AGAP9: variants seen among roughly 807,000 people sequenced by gnomAD.
AGAP9 encodes arf-GAP with GTPase, ANK repeat and PH domain-containing protein 9.
Under a neutral mutation model 55.6 loss-of-function variants are expected in AGAP9, and 23 were observed. That is an observed-to-expected ratio of 0.41 (90% CI 0.30 to 0.59). The LOEUF is 0.59. Among genes scored for constraint, AGAP9 ranks in the 20% least tolerant of loss-of-function variants. The pLI is 0.25. For missense variants in AGAP9, 309 were observed against 808.1 expected, an observed-to-expected ratio of 0.38 and a Z score of 7.49; for synonymous variants, 120 against 305.0, an observed-to-expected ratio of 0.39 and a Z score of 6.32.
intron 6 of AGAP9, among the ~76,000 whole-genome samples, chr10:47,506,861 G>A (rs1235007313): frequency 5.2e-5 from 7 of 134,698 alleles, no homozygotes; most frequent in South Asian, 2.5e-4. Context: ...GGATGGTCTC[G>A]ATCTCCTGAC....
At chr10:47,510,366 C>G (rs1840581314) in intron 4 of AGAP9, 95 bp from the exon 5 acceptor site, 4 of 1,310,692 alleles carry the variant, frequency 3.1e-6, no homozygotes, top group South Asian at 2.8e-5. Context: ...ATGTCTTACA[C>G]TCCATGAACT....
At chr10:47,505,576 T>A (rs1840459226) in intron 6 of AGAP9, among the ~76,000 whole-genome samples, 1 of 123,280 alleles carries the variant, frequency 8.1e-6, no homozygotes, top group African/African-American at 3.0e-5. Flanking sequence ...TATTTAAAAG[T>A]ACAACTGGGC....
At position 47,507,558 on chromosome 10, in the gene AGAP9, T is replaced by C; in HGVS notation, c.523A>G (p.Ile175Val). 1 of 1,527,658 alleles carries C rather than the reference T, an allele frequency of 6.5e-7. No homozygotes were observed. The highest frequency in any genetic ancestry group is 8.8e-7 in the Non-Finnish European group (1 of 1,140,410). The allele number at this position is 1,527,658 out of a possible 1,614,324, so 94.6% of individuals were successfully genotyped here. A position where few individuals can be genotyped will look rare whatever the true frequency, so the allele number is the denominator to read the frequency against. Residue 175 changes from isoleucine (I) to valine (V), a missense_variant, in exon 6 of 8, where the codon ATC (isoleucine) becomes GTC (valine). Transcript: ENST00000452145. ...TTCTAAAAAGCTCACCTTTGTGTGA[T>C]ATGATGAGGTATCTCCAAGGTCACA... The part of the protein sequence containing the change: ...ISVTLEIPHH[I>V]TQRDADRSLS...
At chr10:47,515,676 T>C (rs1403418502) in intron 4 of AGAP9, among the ~76,000 whole-genome samples, 1 of 137,694 alleles carries the variant, frequency 7.3e-6, no homozygotes, top group Non-Finnish European at 1.6e-5. Context: ...ACACCAAAAA[T>C]GGAACTCCAA....
At position 47,510,054 on chromosome 10, in the gene AGAP9, A is replaced by G. The variant is rs1428631794; in HGVS notation, c.497+117T>C. ...ACTGATACTTAATATTCAGAATCTG[A>G]ATATCAATATATGGTTGACTCCAAT... On this transcript the variant is annotated intron_variant, in intron 5 of 7. Coordinates refer to ENST00000452145, the MANE Select transcript of AGAP9 (RefSeq NM_001190810.1). 8.7e-3 allele frequency: 12,890 copies of G among 1,484,902 alleles called. 2,185 individuals are homozygous for G. In the African/African-American group the frequency reaches 0.2, roughly 23 times the overall value. The allele number at this position is 1,484,902 out of a possible 1,614,324, so 92.0% of individuals were successfully genotyped here.
In AGAP9 at chr10:47,502,427, G is replaced by A. The variant is rs1384314276; in HGVS notation, c.1702C>T (p.Arg568Cys). ...STREEKEWWIRSKYEEKLFLA... is the reference protein window; with the variant it reads ...STREEKEWWICSKYEEKLFLA... ...AAGAGCTTCTCCTCATATTTGGAAC[G>A]GATCCACCATTCCTTCTCTTCCCTC... Residue 568 changes from arginine to cysteine, a missense_variant, in exon 8 of 8, where the codon CGT becomes TGT. Physicochemically the swap from Arg to Cys is radical, Grantham distance 180 (BLOSUM62 -3). Coordinates refer to ENST00000452145, the MANE Select transcript of AGAP9 (RefSeq NM_001190810.1). The A allele has an allele frequency of 7.8e-5, 125 of 1,611,194 alleles. 3 individuals are homozygous for A. In the East Asian group the frequency reaches 1.0e-3, roughly 13 times the overall value.
chr10:47,513,189 C>A (rs1840663343), intron 4 of AGAP9, among the ~76,000 whole-genome samples: 1 of 149,604 alleles, frequency 6.7e-6, no homozygotes, highest in Non-Finnish European at 1.5e-5. Flanking sequence ...TGAGCGCCAC[C>A]ACGCCCGGCT....
In AGAP9 at chr10:47,506,519, C is replaced by T. The variant is rs1338264493; in HGVS notation, c.533+1029G>A. Among the ~76,000 whole-genome samples the T allele has an allele frequency of 5.0e-5, 7 of 140,332 alleles. 1 individual carries two copies. The highest frequency in any genetic ancestry group is 2.9e-4 in the East Asian group (1 of 3,406). 92.1% of individuals were successfully genotyped at this position (140,332 alleles called of 152,430 possible). A position where few individuals can be genotyped will look rare whatever the true frequency, so the allele number is the denominator to read the frequency against. On this transcript the variant is annotated intron_variant, in intron 6 of 7. Transcript: ENST00000452145. ...CCATTTTTTGTACTTTCAGTAGAGG[C>T]GGGTTTTACCATGTTGGTCGGGCTG... is the stretch of plus-strand genomic sequence containing the variant.
At chr10:47,505,608 TAA>T in intron 6 of AGAP9, among the ~76,000 whole-genome samples, 1 of 112,120 alleles carries the variant, frequency 8.9e-6, no homozygotes, top group African/African-American at 3.3e-5. Flanking sequence ...CTCACGCCTG[TAA>T]AATCCCAGCA....
chr10:47,511,015 C>T (rs1309694770), intron 4 of AGAP9, among the ~76,000 whole-genome samples: 1 of 127,586 alleles, frequency 7.8e-6, no homozygotes, highest in Non-Finnish European at 1.6e-5. Flanking sequence ...GCGATCTCGG[C>T]TCACTGCAAG....
chr10:47,502,170 G>C lies in AGAP9; in HGVS notation c.1959C>G (p.Pro653=). 1.9e-6 allele frequency: 3 copies of C among 1,554,506 alleles called. No homozygotes were observed. Among genetic ancestry groups the C allele is most frequent in the Non-Finnish European group, 2.6e-6 (3 of 1,147,404 alleles). ...GCGTAGGTCAGCGCTGTGTTCCCGT[G>C]GGCATCTCGGGCCATGACGTCCACC... The part of the protein sequence containing the change: ...LTGWTSWPEM[P]TGTQR Residue 653 remains proline, a synonymous_variant, in exon 8 of 8, where the codon CCC becomes CCG. Coordinates refer to ENST00000452145, the MANE Select transcript of AGAP9 (RefSeq NM_001190810.1).
At chr10:47,514,197 G>T (rs1840685409) in intron 4 of AGAP9, among the ~76,000 whole-genome samples, 3 of 146,444 alleles carry the variant, frequency 2.0e-5, no homozygotes, top group Non-Finnish European at 4.5e-5. Flanking sequence ...TATGGAACCA[G>T]CCCAAATGCC....
Position 47,502,778 on chromosome 10 carries a change from TCTTGC to T in AGAP9, c.1346_1350del (p.Cys449Ter). On this transcript the variant is annotated frameshift_variant, in exon 8 of 8. Coordinates refer to ENST00000452145, the MANE Select transcript of AGAP9 (RefSeq NM_001190810.1). LOFTEE classifies it high-confidence loss of function. Reference sequence around the variant, plus strand: ...GTCAGCTGGGACTTGCTTTTACTGCTCTTGCATGACTGCAGGCTGGCCAGGATCTG... The same window carrying T: ...GTCAGCTGGGACTTGCTTTTACTGCTATGACTGCAGGCTGGCCAGGATCTG... 6.4e-7 allele frequency: 1 copy of T among 1,570,858 alleles called. No homozygotes were observed.
chr10:47,514,016 C>T (rs1448891106), intron 4 of AGAP9, among the ~76,000 whole-genome samples: 2 of 140,454 alleles, frequency 1.4e-5, no homozygotes, highest in Non-Finnish European at 3.1e-5. Flanking sequence ...GCAAATGCAA[C>T]AGAAACAAAT....
chr10:47,519,161 T>C (rs1840771139), intron 3 of AGAP9, among the ~76,000 whole-genome samples: 1 of 136,974 alleles, frequency 7.3e-6, no homozygotes, highest in African/African-American at 2.9e-5. Context: ...ATTCTCATTA[T>C]GGTAATTTAA....
rs4013548 is a variant in AGAP9, at chr10:47,502,359, C to T, written c.1770G>A (p.Gln590=). The T allele has an allele frequency of 1.2e-6, 2 of 1,608,300 alleles. No individual in the cohort carries two copies. Among genetic ancestry groups the T allele is most frequent in the Non-Finnish European group, 1.7e-6 (2 of 1,179,274 alleles). ...LPCTELSLGQ[Q]LLRATTDEDL... is the part of the protein sequence containing the mutation. ...CCTCATCAGTGGTGGCCCGCAGCAG[C>T]TGCTGGCCCAGGGACAGCTCAGTGC... The change falls in exon 8 of 8, where the codon CAG becomes CAA. Residue 590 remains glutamine (Q), a synonymous_variant. Coordinates refer to ENST00000452145, the MANE Select transcript of AGAP9 (RefSeq NM_001190810.1).
chr10:47,506,703 G>A (rs4013568), intron 6 of AGAP9, among the ~76,000 whole-genome samples: 14 of 131,754 alleles, frequency 1.1e-4, no homozygotes, highest in Non-Finnish European at 1.8e-4. Context: ...GCAATGGCAC[G>A]ATCTCAGCTC....
At chr10:47,507,755 A>G in intron 5 of AGAP9, among the ~76,000 whole-genome samples, 172 bp from the exon 6 acceptor site, 1 of 116,694 alleles carries the variant, frequency 8.6e-6, no homozygotes, top group South Asian at 3.0e-4. Context: ...TTTTTACAAA[A>G]ATATGAGAAC....
intron 4 of AGAP9, among the ~76,000 whole-genome samples, chr10:47,510,940 ATTTATTTATTT>A (rs1840606314): frequency 2.3e-5 from 3 of 127,764 alleles, no homozygotes; most frequent in African/African-American, 9.2e-5. Flanking sequence ...TAATTAATTT[ATTTATTTATTT>A]ATTTATTTTT....
Sources: allele counts gnomAD v4.1 joint callset (sites outside exome capture counted in the v4.1 genomes callset), GRCh38; gene constraint gnomAD v4.1.1; transcripts MANE v1.5; gene names NCBI Gene and HGNC (gene_info 2026-07-23, HGNC 2026-07-21).